The following PRKN variants were observed in gnomAD, a reference collection of about 807,000 sequenced individuals.
PRKN encodes parkin RBR E3 ubiquitin protein ligase.
A neutral mutation model predicts 59.5 loss-of-function variants in PRKN; 56 were observed. The observed-to-expected ratio is 0.94, with a 90% CI of 0.76 to 1.18. The LOEUF (loss-of-function observed/expected upper bound fraction) is 1.18, where lower values mean the gene tolerates loss of function less well. Among genes scored for constraint, PRKN ranks in the 50% most tolerant of loss-of-function variants. The pLI, the probability that PRKN is intolerant of heterozygous loss-of-function variation, is 0.00. For synonymous variants in PRKN, 250 were observed against 222.1 expected (o/e 1.13, Z -1.12); for missense variants, 657 against 596.4 (o/e 1.10, Z -1.06).
intron 11 of PRKN, among the ~76,000 whole-genome samples, chr6:161,351,257 G>A (rs1308002227): frequency 2.0e-5 from 3 of 147,414 alleles, no homozygotes; most frequent in Non-Finnish European, 4.4e-5. Flanking sequence ...TCTTTCTATA[G>A]TGCCACTTAC....
intron 4 of PRKN, among the ~76,000 whole-genome samples, chr6:162,080,105 A>C (rs73032254): frequency 0.12 from 18,035 of 152,098 alleles, 1,231 homozygotes; most frequent in African/African-American, 0.15. Context: ...GATTCAGAAT[A>C]ATGACTATCA....
At chr6:162,105,586 G>C (rs1780161516) in intron 4 of PRKN, among the ~76,000 whole-genome samples, 1 of 152,078 alleles carries the variant, frequency 6.6e-6, no homozygotes, top group South Asian at 2.1e-4. Context: ...TTTTAGTAGA[G>C]ATGGGGTTTC....
At chr6:161,761,536 G>A (rs1043039335) in intron 7 of PRKN, among the ~76,000 whole-genome samples, 7 of 152,114 alleles carry the variant, frequency 4.6e-5, no homozygotes, top group Admixed American at 4.6e-4. Flanking sequence ...TATATAATGG[G>A]ACCCAAGAAA....
chr6:161,767,748 T>C (rs961501959), intron 7 of PRKN, among the ~76,000 whole-genome samples: 1 of 141,736 alleles, frequency 7.1e-6, no homozygotes, highest in African/African-American at 2.6e-5. Context: ...AATAAAGTTG[T>C]CCTGTCCTGG....
At chr6:161,632,314 GA>G (rs1008481241) in intron 7 of PRKN, among the ~76,000 whole-genome samples, 5 of 151,876 alleles carry the variant, frequency 3.3e-5, no homozygotes, top group African/African-American at 1.2e-4. Flanking sequence ...ATTTACATGA[GA>G]AAAAAAACCC....
At chr6:161,893,757 G>A (rs1005328479) in intron 6 of PRKN, among the ~76,000 whole-genome samples, 2 of 152,174 alleles carry the variant, frequency 1.3e-5, no homozygotes, top group Non-Finnish European at 2.9e-5. Context: ...CAGCCACAAA[G>A]TGAGCAAGAA....
intron 3 of PRKN, 134 bp from the exon 4 acceptor site, chr6:162,201,386 A>G: frequency 1.3e-6 from 1 of 779,932 alleles, no homozygotes. Context: ...ACTGGAATAA[A>G]TATTCCAATG....
chr6:162,401,161 C>T (rs181638525), intron 2 of PRKN, among the ~76,000 whole-genome samples: 14 of 151,332 alleles, frequency 9.3e-5, no homozygotes, highest in East Asian at 5.8e-4. Flanking sequence ...GACAGAACTA[C>T]GATTAAATAT....
chr6:162,540,915 T>C (rs1778903546), intron 1 of PRKN, among the ~76,000 whole-genome samples: 1 of 152,194 alleles, frequency 6.6e-6, no homozygotes, highest in African/African-American at 2.4e-5. Context: ...AAACAATCTC[T>C]AAAGTCATTG....
chr6:161,921,221 G>T (rs1165306478), intron 6 of PRKN, among the ~76,000 whole-genome samples: 1 of 151,990 alleles, frequency 6.6e-6, no homozygotes, highest in Non-Finnish European at 1.5e-5. Flanking sequence ...ACAGGGTCAG[G>T]ATCATCCATA....
chr6:161,692,500 C>T (rs1785837794), intron 7 of PRKN, among the ~76,000 whole-genome samples: 1 of 152,160 alleles, frequency 6.6e-6, no homozygotes, highest in South Asian at 2.1e-4. Context: ...GTGAGCTTGC[C>T]ATTCTGCTCT....
intron 2 of PRKN, among the ~76,000 whole-genome samples, chr6:162,380,116 T>C (rs1274368733): frequency 6.6e-6 from 1 of 152,162 alleles, no homozygotes; most frequent in Non-Finnish European, 1.5e-5. Flanking sequence ...TTCTGTACTT[T>C]ATCGAGTACC....
At chr6:162,087,848 T>A (rs930271148) in intron 4 of PRKN, among the ~76,000 whole-genome samples, 1 of 152,108 alleles carries the variant, frequency 6.6e-6, no homozygotes, top group Admixed American at 6.5e-5. Context: ...CGCCTCAGCC[T>A]CCCAAAGTGC....
chr6:161,349,458 A>G lies in PRKN; in HGVS notation c.*641T>C, dbSNP rs1562385711. On this transcript the variant is annotated 3_prime_UTR_variant, in exon 12 of 12. Coordinates refer to ENST00000366898, the MANE Select transcript of PRKN (RefSeq NM_004562.3). This position sits in a 1 kb window ranked among gnomAD's most constrained non-coding sequence, Gnocchi z 5.5. ...ACAAGTTGATTTACGCATAGTTGGTATTTCATTAATGCGATTTATATAGAT... is the reference window on the plus strand; with the variant it reads ...ACAAGTTGATTTACGCATAGTTGGTGTTTCATTAATGCGATTTATATAGAT... The G allele has an allele frequency of 4.3e-6, 1 of 231,764 alleles. No homozygotes were observed. The highest frequency in any genetic ancestry group is 6.1e-5 in the East Asian group (1 of 16,278). The allele number at this position is 231,764 out of a possible 1,614,324, so 14.4% of individuals were successfully genotyped here. A position where few individuals can be genotyped will look rare whatever the true frequency, so the allele number is the denominator to read the frequency against.
At chr6:162,497,439 G>T (rs1301043026) in intron 1 of PRKN, among the ~76,000 whole-genome samples, 2 of 152,212 alleles carry the variant, frequency 1.3e-5, no homozygotes, top group African/African-American at 4.8e-5. Flanking sequence ...GTCAAAATGT[G>T]AGCCCAGAGA....
chr6:161,860,937 C>A (rs528241820), intron 6 of PRKN, among the ~76,000 whole-genome samples: 1 of 152,216 alleles, frequency 6.6e-6, no homozygotes, highest in Non-Finnish European at 1.5e-5. Flanking sequence ...ACAACAGATG[C>A]TGGCAAAGCT....
At chr6:162,036,227 G>A (rs952714111) in intron 5 of PRKN, among the ~76,000 whole-genome samples, 4 of 151,774 alleles carry the variant, frequency 2.6e-5, no homozygotes, top group South Asian at 2.1e-4. Flanking sequence ...GGGAGGCTGC[G>A]GCAGGAGAAT....
rs1313444965 is a variant in PRKN, at chr6:161,874,584, T to A, written c.735-88676A>T. Among the ~76,000 whole-genome samples, 9 of 103,808 alleles carry A rather than the reference T, an allele frequency of 8.7e-5. 1 individual carries two copies. The highest frequency in any genetic ancestry group is 1.4e-4 in the African/African-American group (3 of 21,764). The allele number at this position is 103,808 out of a possible 152,430, so 68.1% of individuals were successfully genotyped here. ...TATATAAAATATATATTATGTAAAA[T>A]ATATATTGTATGTAAAATATATATT... On this transcript the variant is annotated intron_variant, in intron 6 of 11. Coordinates refer to ENST00000366898, the MANE Select transcript of PRKN (RefSeq NM_004562.3).
At chr6:161,380,632 TTCC>T (rs1211051104) in intron 10 of PRKN, among the ~76,000 whole-genome samples, 7 of 152,122 alleles carry the variant, frequency 4.6e-5, no homozygotes, top group Admixed American at 1.3e-4. Flanking sequence ...ATCCTTCTTC[TTCC>T]TTCTTTCCAC....
Sources: allele counts gnomAD v4.1 joint callset (sites outside exome capture counted in the v4.1 genomes callset), GRCh38; gene constraint gnomAD v4.1.1; non-coding constraint Gnocchi (gnomAD v3.1); transcripts MANE v1.5; gene names NCBI Gene and HGNC (gene_info 2026-07-23, HGNC 2026-07-21).